TDRD12: variants seen among roughly 807,000 people sequenced by gnomAD.
The protein encoded by TDRD12 is putative ATP-dependent RNA helicase TDRD12.
A neutral mutation model predicts 133.5 loss-of-function variants in TDRD12; 158 were observed. The ratio of observed to expected loss-of-function variants is 1.18; its 90% confidence interval spans 1.04 to 1.35. The LOEUF is 1.35. Ranked by LOEUF, TDRD12 falls within the 40% of genes most tolerant of loss-of-function variation. The pLI, the probability that TDRD12 is intolerant of heterozygous loss-of-function variation, is 0.00. For synonymous variants in TDRD12, 460 were observed against 477.9 expected (o/e 0.96, Z 0.49); for missense variants, 1,443 against 1,321.3 (o/e 1.09, Z -1.43).
At chr19:32,801,994 T>C (rs1599605477) in intron 19 of TDRD12, 121 bp downstream of exon 19, 3 of 439,178 alleles carry the variant, frequency 6.8e-6, no homozygotes, top group Non-Finnish European at 1.2e-5. Flanking sequence ...ACTGAGACTT[T>C]ATTAGCAATG....
intron 4 of TDRD12, among the ~76,000 whole-genome samples, chr19:32,746,921 T>G (rs1314310544): frequency 7.2e-6 from 1 of 139,138 alleles, no homozygotes; most frequent in Admixed American, 7.2e-5. Context: ...AGAGACTGGC[T>G]GATGTGGCTA....
At chr19:32,756,021 G>A in exon 7 of TDRD12, 1 of 1,471,944 alleles carries the variant, frequency 6.8e-7, no homozygotes, top group Non-Finnish European at 8.9e-7. Context: ...TTGTTGCAAA[G>A]AACTATGCTT....
At chr19:32,785,189 C>G (rs574723130) in intron 11 of TDRD12, among the ~76,000 whole-genome samples, 1 of 152,294 alleles carries the variant, frequency 6.6e-6, no homozygotes, top group African/African-American at 2.4e-5. Context: ...CAAAGAACAT[C>G]TTTATTTCTG....
rs143738552 is a variant in TDRD12, at chr19:32,816,098, C to A, written c.3314+478C>A. 4.4e-3 allele frequency among the ~76,000 whole-genome samples: 676 copies of A among 152,164 alleles called. 5 individuals are homozygous for A. Among genetic ancestry groups the A allele is most frequent in the African/African-American group, 0.015 (641 of 41,514 alleles). ...TTTGGAAATCTAGTTTTATCTATAC[C>A]CCAGCCCACACTTGCTTTTGTTGGA... On this transcript the variant is annotated intron_variant, in intron 26 of 27. Transcript: ENST00000444215.
chr19:32,744,716 A>G (rs889831775), intron 4 of TDRD12, among the ~76,000 whole-genome samples: 1 of 151,868 alleles, frequency 6.6e-6, no homozygotes, highest in Non-Finnish European at 1.5e-5. Context: ...TTGAATGAGC[A>G]CTACCGAGTG....
chr19:32,823,579 G>A (rs1333435930), downstream of TDRD12, among the ~76,000 whole-genome samples: 2 of 152,194 alleles, frequency 1.3e-5, no homozygotes, highest in African/African-American at 2.4e-5. Context: ...CGAGTGGTAC[G>A]TGGGGGACTG....
In TDRD12 at chr19:32,784,351, T is replaced by C. The variant is rs141615871; in HGVS notation, c.1122-6180T>C. On this transcript the variant is annotated intron_variant, in intron 11 of 27. Transcript: ENST00000444215. ...CCCAGGGATGAAGCCGACTTGATCA[T>C]GGTGGATAAGCTTTTTGATGTGCTG... is the stretch of plus-strand genomic sequence containing the variant. Among the ~76,000 whole-genome samples the C allele has an allele frequency of 4.6e-3, 703 of 152,276 alleles. 6 individuals are homozygous for C. Among genetic ancestry groups the C allele is most frequent in the Non-Finnish European group, 6.5e-3 (445 of 68,018 alleles).
Position 32,791,464 on chromosome 19 carries a change from G to A in TDRD12, c.1287+396G>A, listed in dbSNP as rs144389059. Among the ~76,000 whole-genome samples, 848 of 152,122 alleles carry A rather than the reference G, an allele frequency of 5.6e-3. 2 individuals are homozygous for A. Among genetic ancestry groups the A allele is most frequent in the Non-Finnish European group, 9.7e-3 (659 of 67,998 alleles). ...GTTTCATTTGGAAAATTGATCATAC[G>A]TGTTTATCTACTTTTTTCCTGATTA... On this transcript the variant is annotated intron_variant, in intron 13 of 27. Coordinates refer to ENST00000444215, the Ensembl canonical transcript of TDRD12.
intron 4 of TDRD12, among the ~76,000 whole-genome samples, chr19:32,745,811 T>TGA (rs1345466971): frequency 4.5e-5 from 6 of 134,462 alleles, no homozygotes; most frequent in Admixed American, 7.9e-5. Flanking sequence ...TGTGTGTGTG[T>TGA]GTGAGAGAGA....
exon 21 of TDRD12, chr19:32,803,043 C>A (rs376390005): frequency 6.5e-7 from 1 of 1,536,080 alleles, no homozygotes; most frequent in South Asian, 1.2e-5. Flanking sequence ...AAGGTCCCCG[C>A]AGAGCTGTAC....
chr19:32,748,501 G>A, exon 5 of TDRD12: 1 of 1,551,822 alleles, frequency 6.4e-7, no homozygotes, highest in Non-Finnish European at 8.7e-7. Flanking sequence ...GGACAATGCA[G>A]CTATTCAGTA....
At chr19:32,720,067 AG>A in exon 1 of TDRD12, 4 of 1,548,432 alleles carry the variant, frequency 2.6e-6, no homozygotes, top group Non-Finnish European at 3.5e-6. Flanking sequence ...CTCGGGCGCC[AG>A]GAGGATGCTC....
chr19:32,720,157 C>A (rs1232650222), intron 1 of TDRD12, 61 bp downstream of exon 1: 36 of 1,418,416 alleles, frequency 2.5e-5, no homozygotes, highest in Non-Finnish European at 3.2e-5. Context: ...CCACCCCAGC[C>A]GCGCACAGCC....
intron 6 of TDRD12, among the ~76,000 whole-genome samples, chr19:32,750,385 C>T (rs562861967): frequency 2.6e-5 from 4 of 152,280 alleles, no homozygotes; most frequent in Non-Finnish European, 2.9e-5. Flanking sequence ...AAGGGGCACA[C>T]ATCCAGGGCT....
intron 11 of TDRD12, 139 bp from the exon 12 acceptor site, chr19:32,790,387 GCAGAA>G: frequency 1.3e-6 from 1 of 793,644 alleles, no homozygotes; most frequent in Non-Finnish European, 2.0e-6. Context: ...CATAAACCAA[GCAGAA>G]CAGAACAGGC....
At chr19:32,720,060 G>A (rs944976183) in exon 1 of TDRD12, 40 of 1,548,144 alleles carry the variant, frequency 2.6e-5, no homozygotes, top group Non-Finnish European at 3.3e-5. Flanking sequence ...ATCTGCCCTC[G>A]GGCGCCAGGA....
At chr19:32,807,445 A>C (rs998551388) in intron 21 of TDRD12, 104 bp from the exon 22 acceptor site, 6 of 705,146 alleles carry the variant, frequency 8.5e-6, no homozygotes, top group Middle Eastern at 2.6e-4. Context: ...TTTGGAATAA[A>C]AGTTATCTGA....
chr19:32,795,009 A>G (rs1041622887), intron 14 of TDRD12, among the ~76,000 whole-genome samples, 196 bp downstream of exon 14: 2 of 152,076 alleles, frequency 1.3e-5, no homozygotes, highest in African/African-American at 2.4e-5. Flanking sequence ...CCTGGAGCCT[A>G]TAGTTGTGGG....
intron 8 of TDRD12, among the ~76,000 whole-genome samples, chr19:32,769,746 C>T (rs1024401263): frequency 2.0e-5 from 3 of 152,032 alleles, no homozygotes; most frequent in Non-Finnish European, 4.4e-5. Context: ...AAGTGATTCT[C>T]CTGCCTCAGC....
Sources: gnomAD v4.1 joint callset for allele counts (sites outside exome capture counted in the v4.1 genomes callset) on GRCh38, gnomAD v4.1.1 for gene constraint, MANE v1.5 for transcripts, NCBI Gene and HGNC (gene_info 2026-07-23, HGNC 2026-07-21) for gene names.